Variants in LILRA2 observed in about 807,000 individuals in gnomAD.
LILRA2 encodes the protein leukocyte immunoglobulin like receptor A2, also known as leukocyte immunoglobulin-like receptor subfamily A member 2.
A neutral mutation model predicts 47.9 loss-of-function variants in LILRA2; 45 were observed. That is an observed-to-expected ratio of 0.94 (90% CI 0.74 to 1.20). The LOEUF (loss-of-function observed/expected upper bound fraction) is 1.20. Ranked by LOEUF, LILRA2 falls within the 50% of genes most tolerant of loss-of-function variation. LILRA2 has a pLI of 0.00. For synonymous variants in LILRA2, 279 were observed against 249.2 expected (o/e 1.12, Z -1.13); for missense variants, 651 against 598.2 (o/e 1.09, Z -0.92).
chr19:54,575,441 A>T lies in LILRA2; in HGVS notation c.841A>T (p.Thr281Ser). Residue 281 changes from threonine to serine, a missense_variant, in exon 5 of 8, where the codon ACC becomes TCC. By Grantham distance (58) the Thr-to-Ser change is moderately conservative. Coordinates refer to ENST00000391738, the MANE Select transcript of LILRA2 (RefSeq NM_001130917.3). Reference sequence around the variant, plus strand: ...GGCTGGGCTCTCCCAGGCCAACTTCACCCTGGGCCCTGTGAGCCCCTCCCA... The same window carrying T: ...GGCTGGGCTCTCCCAGGCCAACTTCTCCCTGGGCCCTGTGAGCCCCTCCCA... The part of the protein sequence containing the change: ...PQAGLSQANF[T>S]LGPVSPSHGG... 6.2e-7 allele frequency: 1 copy of T among 1,613,678 alleles called. No homozygotes were observed. The highest frequency in any genetic ancestry group is 8.5e-7 in the Non-Finnish European group (1 of 1,179,888).
chr19:54,582,457 G>GTT (rs1184045708), intron 6 of LILRA2, among the ~76,000 whole-genome samples: 1 of 152,138 alleles, frequency 6.6e-6, no homozygotes, highest in Non-Finnish European at 1.5e-5. Context: ...TTCAGAACCT[G>GTT]TTATTGGTTT....
At chr19:54,577,703 C>T (rs1479556964) in intron 6 of LILRA2, 19 of 1,271,884 alleles carry the variant, frequency 1.5e-5, no homozygotes, top group Non-Finnish European at 1.8e-5. Context: ...GGGCCCTGCA[C>T]CTGCTCCCTG....
chr19:54,573,357 C>A (rs770739234), upstream of LILRA2: 96 of 719,212 alleles, frequency 1.3e-4, no homozygotes, highest in Middle Eastern at 5.2e-4. Context: ...AGGTGCGTCT[C>A]TGCTGATCTG....
chr19:54,587,247 C>T lies in LILRA2; in HGVS notation c.1353C>T (p.Ile451=), dbSNP rs775475963. The change falls in exon 8 of 8, where the codon ATC becomes ATT. Residue 451 remains isoleucine, a synonymous_variant. Coordinates refer to ENST00000391738, the MANE Select transcript of LILRA2 (RefSeq NM_001130917.3). ...AGGATTACACAGTGGAGAATCTCATCCGCATGGGTGTGGCTGGCTTGGTCC... is the reference window on the plus strand; with the variant it reads ...AGGATTACACAGTGGAGAATCTCATTCGCATGGGTGTGGCTGGCTTGGTCC... ...HPQDYTVENL[I]RMGVAGLVLV... 1.1e-5 allele frequency: 18 copies of T among 1,614,002 alleles called. No individual in the cohort carries two copies. In the Admixed American group the frequency reaches 2.8e-4, roughly 25 times the overall value.
In LILRA2 at chr19:54,589,708, C is replaced by G. The variant is rs9676790; in HGVS notation, c.*2362C>G. Reference sequence around the variant, plus strand: ...GTCTCCTTGTTCGGAGGCTCTCCTGCCTATCAGCTTTTCTCCTCTGTGCTT... The same window carrying G: ...GTCTCCTTGTTCGGAGGCTCTCCTGGCTATCAGCTTTTCTCCTCTGTGCTT... On this transcript the variant is annotated 3_prime_UTR_variant, in exon 8 of 8. Coordinates refer to ENST00000391738, the MANE Select transcript of LILRA2 (RefSeq NM_001130917.3). 0.093 allele frequency: 14,049 copies of G among 151,756 alleles called. 870 individuals are homozygous for G. The highest frequency in any genetic ancestry group is 0.3 in the East Asian group (1,542 of 5,140). 9.4% of individuals were successfully genotyped at this position (151,756 alleles called of 1,614,324 possible).
intron 6 of LILRA2, among the ~76,000 whole-genome samples, chr19:54,585,095 G>A (rs1041281428): frequency 6.6e-6 from 1 of 152,192 alleles, no homozygotes; most frequent in Non-Finnish European, 1.5e-5. Context: ...ATTTGCCTGG[G>A]TATCACCAGC....
At chr19:54,584,284 T>G (rs2146015392) in intron 6 of LILRA2, among the ~76,000 whole-genome samples, 1 of 152,294 alleles carries the variant, frequency 6.6e-6, no homozygotes, top group Non-Finnish European at 1.5e-5. Flanking sequence ...GTCTTTGTGG[T>G]GTTCTCTGTA....
intron 6 of LILRA2, among the ~76,000 whole-genome samples, chr19:54,577,159 C>A (rs973249732): frequency 3.3e-5 from 5 of 150,854 alleles, no homozygotes; most frequent in Admixed American, 6.6e-5. Flanking sequence ...TTGGAAAAAA[C>A]AAAAGTTTAC....
chr19:54,584,490 T>C (rs1037268029), intron 6 of LILRA2, among the ~76,000 whole-genome samples: 6 of 152,338 alleles, frequency 3.9e-5, no homozygotes, highest in Middle Eastern at 3.4e-3. Context: ...CTCTTTTCTC[T>C]AATCTTGTCT....
intron 5 of LILRA2, 32 bp from the exon 6 acceptor site, chr19:54,575,775 G>A (rs769291512): frequency 5.6e-6 from 9 of 1,611,528 alleles, no homozygotes; most frequent in Non-Finnish European, 7.6e-6. Flanking sequence ...AACAAGGTGG[G>A]GCAGCCCCTC....
intron 6 of LILRA2, among the ~76,000 whole-genome samples, chr19:54,576,331 G>C (rs10408558): frequency 3.9e-4 from 31 of 78,656 alleles, no homozygotes; most frequent in African/African-American, 4.4e-4. Flanking sequence ...AGACGGGGGC[G>C]GGGGGGCGGG....
At position 54,586,757 on chromosome 19, in the gene LILRA2, A is replaced by T. The variant is rs755882059; in HGVS notation, c.1256-253A>T. On this transcript the variant is annotated intron_variant, in intron 6 of 7. Coordinates refer to ENST00000391738, the MANE Select transcript of LILRA2 (RefSeq NM_001130917.3). Reference sequence around the variant, plus strand: ...GTTATTTCTGTATTGGGGACCACTTACCATATCCATGCTGAGCTCCCGGGA... The same window carrying T: ...GTTATTTCTGTATTGGGGACCACTTTCCATATCCATGCTGAGCTCCCGGGA... 3.6e-3 allele frequency among the ~76,000 whole-genome samples: 546 copies of T among 152,218 alleles called. No individual in the cohort carries two copies. The South Asian group carries it at 0.071, about 20-fold the overall frequency.
intron 6 of LILRA2, 131 bp from the exon 7 acceptor site, chr19:54,586,879 T>A: frequency 9.8e-6 from 6 of 610,730 alleles, no homozygotes; most frequent in Non-Finnish European, 1.7e-5. Flanking sequence ...GAGGGAACCC[T>A]GCTACAGCAG....
At position 54,574,902 on chromosome 19, in the gene LILRA2, G is replaced by T. The variant is rs749102289; in HGVS notation, c.524G>T (p.Trp175Leu). Residue 175 changes from tryptophan (W) to leucine (L), a missense_variant, in exon 4 of 8, where the codon TGG becomes TTG. Trp to Leu is a moderately conservative substitution (Grantham distance 61). Coordinates refer to ENST00000391738, the MANE Select transcript of LILRA2 (RefSeq NM_001130917.3). The stretch of plus-strand genomic sequence containing the variant: ...AACTCCCATTCCCATGCCCGTGGGT[G>T]GTCCTGGGCCATCTTCTCCGTGGGC... ...RLNSHSHARG[W>L]SWAIFSVGPV... 4 of 1,573,748 alleles carry T rather than the reference G, an allele frequency of 2.5e-6. No homozygotes were observed. In the Admixed American group the frequency reaches 7.2e-5, roughly 28 times the overall value.
Position 54,575,173 on chromosome 19 carries a change from A to C in LILRA2, c.656-83A>C, listed in dbSNP as rs61203769. On this transcript the variant is annotated intron_variant, in intron 4 of 7. Transcript: ENST00000391738. ...GCTCAGGGCTCCTGGGGCCGGAGAC[A>C]CAGGAAGATCAGCGGGGGAGAGGGA... The C allele has an allele frequency of 2.7e-3, 4,192 of 1,549,820 alleles. 73 individuals carry two copies. In the African/African-American group the frequency reaches 0.052, roughly 19 times the overall value.
chr19:54,587,078 C>T lies in LILRA2; in HGVS notation c.1306+18C>T, dbSNP rs369221525. The T allele has an allele frequency of 2.1e-5, 34 of 1,613,448 alleles. No individual in the cohort carries two copies. The African/African-American group carries it at 4.3e-4, about 20-fold the overall frequency. On this transcript the variant is annotated intron_variant, in intron 7 of 7. Coordinates refer to ENST00000391738, the MANE Select transcript of LILRA2 (RefSeq NM_001130917.3). Reference sequence around the variant, plus strand: ...CACGACTAGTGAGTGAGGAGATGCTCTCAGTTATGGGACTGGCACAGAGGG... The same window carrying T: ...CACGACTAGTGAGTGAGGAGATGCTTTCAGTTATGGGACTGGCACAGAGGG...
intron 6 of LILRA2, among the ~76,000 whole-genome samples, chr19:54,585,343 G>A (rs1293622810): frequency 6.6e-6 from 1 of 152,236 alleles, no homozygotes; most frequent in Non-Finnish European, 1.5e-5. Context: ...GTTTAAGTCT[G>A]CAGAAGCTAC....
chr19:54,587,160 T>C, intron 7 of LILRA2, 41 bp from the exon 8 acceptor site: 2 of 1,612,748 alleles, frequency 1.2e-6, no homozygotes, highest in Non-Finnish European at 1.7e-6. Context: ...AGTCCCGGGG[T>C]GATTCCGATC....
chr19:54,586,446 C>T (rs143165934), intron 6 of LILRA2, among the ~76,000 whole-genome samples: 5 of 152,216 alleles, frequency 3.3e-5, no homozygotes, highest in Non-Finnish European at 5.9e-5. Context: ...GAATTAGTTA[C>T]CTAAGGATTA....
Sources: allele counts gnomAD v4.1 joint callset (sites outside exome capture counted in the v4.1 genomes callset), GRCh38; gene constraint gnomAD v4.1.1; transcripts MANE v1.5; gene names NCBI Gene and HGNC (gene_info 2026-07-23, HGNC 2026-07-21).